Variants in TRAM2 observed in about 807,000 individuals in gnomAD.
TRAM2 encodes the protein translocation associated membrane protein 2.
In TRAM2, 12 loss-of-function variants were observed where a neutral mutation model predicts 51.0. The ratio of observed to expected loss-of-function variants is 0.24; its 90% CI spans 0.15 to 0.38. The LOEUF is 0.38. TRAM2 is among the 10% of genes least tolerant of loss of function. The pLI, the probability that TRAM2 is intolerant of heterozygous loss-of-function variation, is 1.00. For synonymous variants in TRAM2, 175 were observed against 179.4 expected (o/e 0.98, Z 0.20); for missense variants, 361 against 462.0 (o/e 0.78, Z 2.00).
At position 52,568,165 on chromosome 6, in the gene TRAM2, G is replaced by A. The variant is rs79418867; in HGVS notation, c.120+8631C>T. 9.6e-3 allele frequency among the ~76,000 whole-genome samples: 1,459 copies of A among 152,234 alleles called. 33 individuals carry two copies. Among genetic ancestry groups the A allele is most frequent in the African/African-American group, 0.033 (1,371 of 41,526 alleles). On this transcript the variant is annotated intron_variant, in intron 1 of 10. Coordinates refer to ENST00000182527, the MANE Select transcript of TRAM2 (RefSeq NM_012288.4). Reference sequence around the variant, plus strand: ...CCTGTCCTCGCCCCTTTCACTGCACGCTTCCCTGCTGCAGGCCCTCCATTG... The same window carrying A: ...CCTGTCCTCGCCCCTTTCACTGCACACTTCCCTGCTGCAGGCCCTCCATTG...
At chr6:52,503,397 G>C (rs1296433364) in intron 10 of TRAM2, 127 bp from the exon 11 acceptor site, 1 of 828,198 alleles carries the variant, frequency 1.2e-6, no homozygotes, top group Non-Finnish European at 2.1e-6. Flanking sequence ...TGCACCAAAG[G>C]GGCGCCAGGC....
At chr6:52,511,761 C>G (rs889834718) in intron 4 of TRAM2, among the ~76,000 whole-genome samples, 1 of 151,846 alleles carries the variant, frequency 6.6e-6, no homozygotes, top group Non-Finnish European at 1.5e-5. Flanking sequence ...TCCATGAGCA[C>G]AATAACCTGA....
intron 1 of TRAM2, among the ~76,000 whole-genome samples, chr6:52,540,716 G>A (rs1332083056): frequency 9.2e-5 from 14 of 152,184 alleles, no homozygotes; most frequent in African/African-American, 3.4e-4. Flanking sequence ...TGAGAACCAG[G>A]AGCCTATTAA....
Position 52,525,571 on chromosome 6 carries a change from A to C in TRAM2, c.185-8834T>G, listed in dbSNP as rs373782485. Among the ~76,000 whole-genome samples the C allele has an allele frequency of 5.2e-3, 791 of 152,308 alleles. 10 individuals are homozygous for C. Among genetic ancestry groups the C allele is most frequent in the African/African-American group, 0.018 (730 of 41,566 alleles). On this transcript the variant is annotated intron_variant, in intron 2 of 10. Transcript: ENST00000182527. Reference sequence around the variant, plus strand: ...AGGCCTGTAATCCCAGCACTTTGGGAGGCCAAGGCGGGTGGATCACGAGAT... The same window carrying C: ...AGGCCTGTAATCCCAGCACTTTGGGCGGCCAAGGCGGGTGGATCACGAGAT...
intron 7 of TRAM2, 46 bp from the exon 8 acceptor site, chr6:52,506,182 G>A (rs1488910185): frequency 3.2e-6 from 5 of 1,553,552 alleles, no homozygotes; most frequent in Non-Finnish European, 4.4e-6. Context: ...AAGATGCTGC[G>A]TGGAGCAGAA....
intron 1 of TRAM2, among the ~76,000 whole-genome samples, chr6:52,541,388 C>G (rs1767078863): frequency 6.6e-6 from 1 of 152,168 alleles, no homozygotes; most frequent in Non-Finnish European, 1.5e-5. Flanking sequence ...AAGGATAAAG[C>G]CAAAGGAGCA....
At position 52,501,790 on chromosome 6, in the gene TRAM2, C is replaced by A. The variant is rs1405833663; in HGVS notation, c.*1407G>T. ...AACTCCTAACCTCAGGTGATCTGCCCACCTCGACCTCCCAAAGTGCTGGGA... is the reference window on the plus strand; with the variant it reads ...AACTCCTAACCTCAGGTGATCTGCCAACCTCGACCTCCCAAAGTGCTGGGA... On this transcript the variant is annotated 3_prime_UTR_variant, in exon 11 of 11. Transcript: ENST00000182527. 1.3e-5 allele frequency: 2 copies of A among 152,240 alleles called. No individual in the cohort carries two copies. Among genetic ancestry groups the A allele is most frequent in the Non-Finnish European group, 2.9e-5 (2 of 68,072 alleles). The allele number at this position is 152,240 out of a possible 1,614,324, so 9.4% of individuals were successfully genotyped here. A position where few individuals can be genotyped will look rare whatever the true frequency, so the allele number is the denominator to read the frequency against.
At chr6:52,556,399 G>A (rs893050135) in intron 1 of TRAM2, among the ~76,000 whole-genome samples, 8 of 151,964 alleles carry the variant, frequency 5.3e-5, no homozygotes, top group African/African-American at 1.9e-4. Context: ...TCCTGTCTCA[G>A]CCTCCCAAGT....
At position 52,498,049 on chromosome 6, in the gene TRAM2, A is replaced by G. The variant is rs1198580106; in HGVS notation, c.*5148T>C. ...TTTTCCTCTTCAACACATTTTTTAA[A>G]AATAGACCTCTAAGATGATGCTACA... On this transcript the variant is annotated 3_prime_UTR_variant, in exon 11 of 11. Transcript: ENST00000182527. The G allele has an allele frequency of 1.3e-5, 2 of 152,210 alleles. No homozygotes were observed. Among genetic ancestry groups the G allele is most frequent in the African/African-American group, 4.8e-5 (2 of 41,442 alleles). 9.4% of individuals were successfully genotyped at this position (152,210 alleles called of 1,614,324 possible).
intron 5 of TRAM2, among the ~76,000 whole-genome samples, chr6:52,508,712 A>G (rs889254310): frequency 1.6e-4 from 24 of 152,190 alleles, no homozygotes; most frequent in Non-Finnish European, 2.8e-4. Flanking sequence ...TCAGCCCTAC[A>G]TCCTTTGCTA....
intron 1 of TRAM2, among the ~76,000 whole-genome samples, chr6:52,556,944 A>AT: frequency 7.0e-6 from 1 of 143,698 alleles, no homozygotes; most frequent in Non-Finnish European, 1.5e-5. Context: ...AAAAAAAAAA[A>AT]TCATTTTGGG....
intron 1 of TRAM2, among the ~76,000 whole-genome samples, chr6:52,561,680 T>C (rs1484335820): frequency 2.0e-5 from 3 of 151,784 alleles, no homozygotes; most frequent in Non-Finnish European, 4.4e-5. Flanking sequence ...TTAGTAGAGA[T>C]GGGGTTTCAC....
chr6:52,563,502 G>A (rs932649943), intron 1 of TRAM2, among the ~76,000 whole-genome samples: 1 of 151,826 alleles, frequency 6.6e-6, no homozygotes, highest in Admixed American at 6.6e-5. Flanking sequence ...GGCGGATCAC[G>A]AGGTCAGGAG....
At chr6:52,535,661 A>G (rs774214230) in intron 2 of TRAM2, 122 bp downstream of exon 2, 174 of 774,896 alleles carry the variant, frequency 2.2e-4, no homozygotes, top group Non-Finnish European at 3.5e-4. Flanking sequence ...AGTCTGGGTG[A>G]CAGAGCAGAG....
intron 1 of TRAM2, among the ~76,000 whole-genome samples, chr6:52,552,899 C>T (rs1767334093): frequency 6.6e-6 from 1 of 152,146 alleles, no homozygotes; most frequent in Non-Finnish European, 1.5e-5. Context: ...TTCCTTATAG[C>T]CCCTTGTTGG....
chr6:52,531,551 C>A (rs1766892387), intron 2 of TRAM2, among the ~76,000 whole-genome samples: 1 of 152,198 alleles, frequency 6.6e-6, no homozygotes, highest in Non-Finnish European at 1.5e-5. Flanking sequence ...TTCAATAGTG[C>A]CACCCTGGGA....
chr6:52,556,976 CT>C lies in TRAM2; in HGVS notation c.120+19819del, dbSNP rs1328308753. On this transcript the variant is annotated intron_variant, in intron 1 of 10. Transcript: ENST00000182527. ...TGGGAGGCCGAGGTGGGCAGATCACCTGAGGTCAGGAGTTCGAGACCACCCT... is the reference window on the plus strand; with the variant it reads ...TGGGAGGCCGAGGTGGGCAGATCACCGAGGTCAGGAGTTCGAGACCACCCT... 2.0e-5 allele frequency among the ~76,000 whole-genome samples: 3 copies of C among 148,646 alleles called. No individual in the cohort carries two copies. In the East Asian group the frequency reaches 6.0e-4, roughly 30 times the overall value.
chr6:52,562,237 C>T (rs937227653), intron 1 of TRAM2, among the ~76,000 whole-genome samples: 1 of 152,078 alleles, frequency 6.6e-6, no homozygotes, highest in African/African-American at 2.4e-5. Flanking sequence ...GAATGCACAG[C>T]GAGGTTATGG....
intron 1 of TRAM2, among the ~76,000 whole-genome samples, chr6:52,565,011 CAGGT>C (rs1477260506): frequency 6.6e-6 from 1 of 152,044 alleles, no homozygotes; most frequent in Non-Finnish European, 1.5e-5. Flanking sequence ...TCAGGGAACA[CAGGT>C]AGGTTGGTCT....
Sources: allele counts gnomAD v4.1 joint callset (sites outside exome capture counted in the v4.1 genomes callset), GRCh38; gene constraint gnomAD v4.1.1; transcripts MANE v1.5; gene names NCBI Gene and HGNC (gene_info 2026-07-23, HGNC 2026-07-21).